The following NCOA6 variants were observed in gnomAD, a reference collection of about 807,000 sequenced individuals.
NCOA6 encodes the protein nuclear receptor coactivator 6.
NCOA6 carries 49 observed loss-of-function variants against 171.4 expected under a neutral mutation model. That is an observed-to-expected ratio of 0.29 (90% CI 0.23 to 0.36). The LOEUF (loss-of-function observed/expected upper bound fraction) is 0.36, where lower values mean the gene tolerates loss of function less well. NCOA6 is among the 10% of genes least tolerant of loss of function. NCOA6 has a pLI of 1.00. For missense variants in NCOA6, 2,248 were observed against 2,554.5 expected (o/e 0.88, Z 2.59); for synonymous variants, 910 against 927.5 (o/e 0.98, Z 0.34).
At chr20:34,807,387 G>A (rs934296665) in intron 1 of NCOA6, among the ~76,000 whole-genome samples, 5 of 152,138 alleles carry the variant, frequency 3.3e-5, no homozygotes, top group Non-Finnish European at 5.9e-5. Flanking sequence ...AGGCTATGCC[G>A]ATTCCTGACC....
intron 1 of NCOA6, chr20:34,819,323 C>T (rs995438971): frequency 2.0e-5 from 3 of 152,284 alleles, no homozygotes; most frequent in South Asian, 2.1e-4. Context: ...AGCTGGTTAC[C>T]GCTATAAATG....
intron 6 of NCOA6, 119 bp from the exon 7 acceptor site, chr20:34,758,223 A>T (rs2076710096): frequency 7.9e-7 from 1 of 1,269,930 alleles, no homozygotes; most frequent in African/African-American, 1.5e-5. Context: ...CGATAAAATA[A>T]ATGCTTGTGA....
At chr20:34,769,984 CAG>C (rs2077096779) in intron 4 of NCOA6, among the ~76,000 whole-genome samples, 1 of 151,892 alleles carries the variant, frequency 6.6e-6, no homozygotes, top group South Asian at 2.1e-4. Context: ...GATGGTAAAA[CAG>C]AAAGTTAATG....
intron 1 of NCOA6, among the ~76,000 whole-genome samples, chr20:34,814,145 A>C (rs2078758162): frequency 1.3e-5 from 2 of 152,130 alleles, no homozygotes; most frequent in South Asian, 4.1e-4. Context: ...CCTGGTCAAC[A>C]CGGTGAAATC....
At chr20:34,816,838 C>A (rs1456508465) in intron 1 of NCOA6, among the ~76,000 whole-genome samples, 2 of 150,652 alleles carry the variant, frequency 1.3e-5, no homozygotes, top group South Asian at 4.2e-4. Context: ...CAAAAAAGAG[C>A]AGCTGGGTGC....
intron 10 of NCOA6, 32 bp downstream of exon 10, chr20:34,746,775 A>G (rs779480663): frequency 2.8e-5 from 43 of 1,562,292 alleles, no homozygotes; most frequent in Middle Eastern, 1.7e-4. Context: ...TGCACATGTA[A>G]TAAGTATATA....
At chr20:34,754,067 G>A (rs1037923014) in intron 8 of NCOA6, among the ~76,000 whole-genome samples, 2 of 152,104 alleles carry the variant, frequency 1.3e-5, no homozygotes, top group Non-Finnish European at 2.9e-5. Context: ...TCTTCTTTTT[G>A]CAGTACACTG....
rs377720741 is a variant in NCOA6, at chr20:34,740,576, C to A, written c.5680G>T (p.Val1894Leu). ...PTLLKMTSSPVGPGTASAGPS... is the reference protein window; with the variant it reads ...PTLLKMTSSPLGPGTASAGPS... ...CCTGCTGAGGCAGTGCCCGGGCCCA[C>A]AGGGCTAGAGGTCATTTTTAGCAGA... The change falls in exon 11 of 15, where the codon GTG becomes TTG. Residue 1894 changes from valine (V) to leucine (L), a missense_variant. Val to Leu is a conservative substitution (Grantham distance 32). Around this residue, in one of 7 missense-constraint regions of NCOA6, gnomAD observed 884 missense variants for 941.9 expected, o/e 0.94. Transcript: ENST00000359003. The A allele has an allele frequency of 1.1e-5, 17 of 1,614,044 alleles. No homozygotes were observed. Among genetic ancestry groups the A allele is most frequent in the Non-Finnish European group, 1.4e-5 (16 of 1,180,032 alleles).
chr20:34,776,349 G>C lies in NCOA6; in HGVS notation c.335C>G (p.Ala112Gly), dbSNP rs761834227. The C allele has an allele frequency of 5.0e-6, 8 of 1,614,000 alleles. No homozygotes were observed. In the Admixed American group the frequency reaches 1.2e-4, roughly 24 times the overall value. The change falls in exon 4 of 15, where the codon GCT (alanine) becomes GGT (glycine). Residue 112 changes from alanine (A) to glycine (G), a missense_variant. Ala to Gly is a moderately conservative substitution (Grantham distance 60, BLOSUM62 0). Coordinates refer to ENST00000359003, the MANE Select transcript of NCOA6 (RefSeq NM_014071.5). ...CCGAAGCTGCTGGTTGTTGCTCTGA[G>C]CAAGGATCCGTAGCCGCTCCGCTGC... ...REAAERLRIL[A>G]QSNNQQLRDL...
At chr20:34,814,435 C>A (rs2078766466) in intron 1 of NCOA6, among the ~76,000 whole-genome samples, 1 of 151,912 alleles carries the variant, frequency 6.6e-6, no homozygotes, top group South Asian at 2.1e-4. Context: ...TGTCATATAT[C>A]CATTAAAAAT....
intron 1 of NCOA6, among the ~76,000 whole-genome samples, chr20:34,812,265 AC>A (rs761649908): frequency 9.3e-5 from 14 of 150,866 alleles, no homozygotes; most frequent in African/African-American, 1.2e-4. Flanking sequence ...AAAAAAAAAA[AC>A]AACAACAAAA....
intron 14 of NCOA6, among the ~76,000 whole-genome samples, chr20:34,716,120 G>A (rs1182987329): frequency 6.6e-6 from 1 of 151,210 alleles, no homozygotes; most frequent in Non-Finnish European, 1.5e-5. Flanking sequence ...TCAGGAGGCT[G>A]AGGCAGGGGA....
intron 13 of NCOA6, among the ~76,000 whole-genome samples, chr20:34,729,571 A>T (rs1304096840): frequency 6.6e-6 from 1 of 150,714 alleles, no homozygotes; most frequent in Non-Finnish European, 1.5e-5. Flanking sequence ...ACAAAACAAA[A>T]CAATACTGGT....
At chr20:34,770,379 A>C (rs1331752182) in intron 4 of NCOA6, among the ~76,000 whole-genome samples, 1 of 152,118 alleles carries the variant, frequency 6.6e-6, no homozygotes, top group Non-Finnish European at 1.5e-5. Flanking sequence ...CACAGGGAAC[A>C]AACAGCCTAC....
chr20:34,824,301 G>C (rs2079089689), intron 1 of NCOA6, among the ~76,000 whole-genome samples: 1 of 152,194 alleles, frequency 6.6e-6, no homozygotes, highest in Admixed American at 6.5e-5. Context: ...GGAAGCAGCC[G>C]ACAATTTCTA....
chr20:34,715,749 C>T (rs1988478185), intron 14 of NCOA6, among the ~76,000 whole-genome samples: 2 of 152,160 alleles, frequency 1.3e-5, no homozygotes, highest in South Asian at 4.1e-4. Context: ...ATGCCATAAG[C>T]AAATGAGTAA....
intron 2 of NCOA6, among the ~76,000 whole-genome samples, chr20:34,782,820 G>GA (rs904979789): frequency 5.3e-5 from 8 of 152,132 alleles, no homozygotes; most frequent in African/African-American, 1.9e-4. Flanking sequence ...GGTTTCTAAA[G>GA]CCTTCTTCTT....
chr20:34,807,858 G>C (rs1000011722), intron 1 of NCOA6, among the ~76,000 whole-genome samples: 2 of 147,476 alleles, frequency 1.4e-5, no homozygotes, highest in East Asian at 4.3e-4. Flanking sequence ...TGTAGAAACA[G>C]TATCTTGCTG....
chr20:34,777,818 A>G, intron 3 of NCOA6, among the ~76,000 whole-genome samples: 1 of 152,242 alleles, frequency 6.6e-6, no homozygotes, highest in East Asian at 1.9e-4. Flanking sequence ...TCATAGCAGC[A>G]TTACCCACAA....
Sources: allele counts gnomAD v4.1 joint callset (sites outside exome capture counted in the v4.1 genomes callset), GRCh38; gene constraint gnomAD v4.1.1; regional missense constraint gnomAD v4.1.1; transcripts MANE v1.5; gene names NCBI Gene and HGNC (gene_info 2026-07-23, HGNC 2026-07-21).